Variants in FAM78B observed in about 807,000 individuals in gnomAD.
FAM78B encodes protein FAM78B.
A neutral mutation model predicts 20.0 loss-of-function variants in FAM78B; 10 were observed. That is an observed-to-expected ratio of 0.50 (90% CI 0.31 to 0.85). FAM78B has a LOEUF of 0.85. Among genes scored for constraint, FAM78B ranks in the 40% least tolerant of loss-of-function variants. The pLI, the probability that FAM78B is intolerant of heterozygous loss-of-function variation, is 0.05. For synonymous variants in FAM78B, 135 were observed against 132.8 expected (o/e 1.02, Z -0.12); for missense variants, 283 against 345.0 (o/e 0.82, Z 1.42).
chr1:166,078,843 G>A (rs888696413), intron 1 of FAM78B, among the ~76,000 whole-genome samples: 8 of 152,056 alleles, frequency 5.3e-5, no homozygotes, highest in Non-Finnish European at 7.4e-5. Context: ...TTTTAAGCCT[G>A]GAGAGCTTCT....
At chr1:166,108,073 AGAACTG>A (rs1207995631) in intron 1 of FAM78B, among the ~76,000 whole-genome samples, 7 of 152,208 alleles carry the variant, frequency 4.6e-5, no homozygotes, top group African/African-American at 1.7e-4. Flanking sequence ...ATTCCCTCTG[AGAACTG>A]GAACAAGACA....
intron 1 of FAM78B, among the ~76,000 whole-genome samples, chr1:166,079,491 G>C (rs985913145): frequency 6.6e-6 from 1 of 152,214 alleles, no homozygotes; most frequent in African/African-American, 2.4e-5. Context: ...CCAGAGGGTG[G>C]CTGTTTGTTG....
chr1:166,103,552 C>T (rs1653621963), intron 1 of FAM78B, among the ~76,000 whole-genome samples: 1 of 152,154 alleles, frequency 6.6e-6, no homozygotes, highest in Non-Finnish European at 1.5e-5. Flanking sequence ...ATACAAACTA[C>T]TGTCAGAGAA....
chr1:166,094,372 T>C (rs948837611), intron 1 of FAM78B, among the ~76,000 whole-genome samples: 1 of 152,144 alleles, frequency 6.6e-6, no homozygotes, highest in African/African-American at 2.4e-5. Flanking sequence ...CCGTGCTCCA[T>C]GTAGGGCTCA....
At position 166,159,847 on chromosome 1, in the gene FAM78B, T is replaced by C. The variant is rs377218508; in HGVS notation, c.263+6139A>G. 9.5e-4 allele frequency among the ~76,000 whole-genome samples: 144 copies of C among 152,348 alleles called. 4 individuals carry two copies. In the South Asian group the frequency reaches 0.028, roughly 30 times the overall value. ...GCTTTATCTCCAGTGAGCTTAATGC[T>C]TCCCTGATAAGACCAGTTAATCCTC... On this transcript the variant is annotated intron_variant, in intron 1 of 1. Coordinates refer to ENST00000354422, the MANE Select transcript of FAM78B (RefSeq NM_001017961.5).
chr1:166,125,624 T>C (rs940689094), intron 1 of FAM78B, among the ~76,000 whole-genome samples: 1 of 152,156 alleles, frequency 6.6e-6, no homozygotes, highest in Non-Finnish European at 1.5e-5. Flanking sequence ...TTATGACCAA[T>C]TCAAATACCA....
At chr1:166,149,694 C>CT (rs1655603155) in intron 1 of FAM78B, among the ~76,000 whole-genome samples, 1 of 152,178 alleles carries the variant, frequency 6.6e-6, no homozygotes, top group Admixed American at 6.5e-5. Context: ...AAGTTCAAGC[C>CT]TAGCCTTTTT....
intron 1 of FAM78B, among the ~76,000 whole-genome samples, chr1:166,093,501 T>A (rs1653157678): frequency 6.6e-6 from 1 of 152,190 alleles, no homozygotes; most frequent in African/African-American, 2.4e-5. Context: ...TGCCCTGACA[T>A]GTTTGGCCCT....
chr1:166,095,791 G>A (rs1653252888), intron 1 of FAM78B, among the ~76,000 whole-genome samples: 1 of 152,156 alleles, frequency 6.6e-6, no homozygotes, highest in South Asian at 2.1e-4. Flanking sequence ...AACAATTCAG[G>A]AACTGTTCTG....
intron 1 of FAM78B, among the ~76,000 whole-genome samples, chr1:166,146,285 A>G (rs1195399119): frequency 6.6e-6 from 1 of 152,226 alleles, no homozygotes; most frequent in Non-Finnish European, 1.5e-5. Flanking sequence ...GTTTTACGGC[A>G]TCTGGGATCA....
chr1:166,067,846 C>A (rs1309287476), downstream of FAM78B, among the ~76,000 whole-genome samples: 1 of 152,126 alleles, frequency 6.6e-6, no homozygotes, highest in Non-Finnish European at 1.5e-5. Flanking sequence ...TGTCATTATA[C>A]AACTTCCCAG....
intron 1 of FAM78B, among the ~76,000 whole-genome samples, chr1:166,111,355 G>A (rs973937698): frequency 3.3e-5 from 5 of 152,184 alleles, no homozygotes; most frequent in African/African-American, 1.2e-4. Context: ...TCCCACCAAT[G>A]GGCCTCTGCT....
At chr1:166,154,624 G>T in intron 1 of FAM78B, 1 of 460,274 alleles carries the variant, frequency 2.2e-6, no homozygotes, top group East Asian at 6.0e-5. Flanking sequence ...TGGACCCTCA[G>T]CAAACCTGGC....
chr1:166,120,188 T>G (rs910067001), intron 1 of FAM78B, among the ~76,000 whole-genome samples: 1 of 152,236 alleles, frequency 6.6e-6, no homozygotes, highest in African/African-American at 2.4e-5. Context: ...ATATGCCATT[T>G]CTTTAAATCC....
intron 1 of FAM78B, among the ~76,000 whole-genome samples, chr1:166,120,400 G>C (rs561504145): frequency 8.5e-5 from 13 of 152,272 alleles, no homozygotes; most frequent in Middle Eastern, 3.4e-3. Context: ...TCACAGTTGC[G>C]GGCTGACCGT....
At chr1:166,106,476 C>A (rs1388223482) in intron 1 of FAM78B, among the ~76,000 whole-genome samples, 2 of 151,758 alleles carry the variant, frequency 1.3e-5, no homozygotes, top group South Asian at 2.1e-4. Flanking sequence ...TACACATACA[C>A]CATGGAATAC....
chr1:166,145,979 G>A (rs1655438008), intron 1 of FAM78B, among the ~76,000 whole-genome samples: 1 of 152,088 alleles, frequency 6.6e-6, no homozygotes, highest in South Asian at 2.1e-4. Context: ...TTAAGTCTCA[G>A]TCTTAGTTCT....
intron 1 of FAM78B, among the ~76,000 whole-genome samples, chr1:166,130,382 G>A (rs1654829576): frequency 6.6e-6 from 1 of 152,222 alleles, no homozygotes; most frequent in African/African-American, 2.4e-5. Flanking sequence ...GCCAGAGAAG[G>A]AGGAAGACAA....
rs553841472 is a variant in FAM78B, at chr1:166,106,148, T to C, written c.264-35385A>G. ...GTATGTTCTCACTCACAGGTGGGAATTGAACAGTGAGAACACATGGACACA... is the reference window on the plus strand; with the variant it reads ...GTATGTTCTCACTCACAGGTGGGAACTGAACAGTGAGAACACATGGACACA... On this transcript the variant is annotated intron_variant, in intron 1 of 1. Coordinates refer to ENST00000354422, the MANE Select transcript of FAM78B (RefSeq NM_001017961.5). 2.6e-3 allele frequency among the ~76,000 whole-genome samples: 364 copies of C among 139,738 alleles called. 1 individual carries two copies. The highest frequency in any genetic ancestry group is 9.3e-3 in the African/African-American group (345 of 36,942). 91.7% of individuals were successfully genotyped at this position (139,738 alleles called of 152,430 possible). A position where few individuals can be genotyped will look rare whatever the true frequency, so the allele number is the denominator to read the frequency against.
Sources: gnomAD v4.1 joint callset for allele counts (sites outside exome capture counted in the v4.1 genomes callset) on GRCh38, gnomAD v4.1.1 for gene constraint, MANE v1.5 for transcripts, NCBI Gene and HGNC (gene_info 2026-07-23, HGNC 2026-07-21) for gene names.